The following ABCB5 variants were observed in gnomAD, a reference collection of about 807,000 sequenced individuals.
ABCB5 encodes ATP binding cassette subfamily B member 5, also known as ATP-binding cassette sub-family B member 5.
A neutral mutation model predicts 144.2 loss-of-function variants in ABCB5; 155 were observed. The ratio of observed to expected loss-of-function variants is 1.08; its 90% CI spans 0.94 to 1.23. The LOEUF (loss-of-function observed/expected upper bound fraction) is 1.23. Ranked by LOEUF, ABCB5 falls within the 50% of genes most tolerant of loss-of-function variation. The probability of loss-of-function intolerance (pLI) is 0.00; values close to 1 mark genes in which losing one functional copy is unlikely to be tolerated. For synonymous variants in ABCB5, 610 were observed against 528.6 expected, an observed-to-expected ratio of 1.15 and a Z score of -2.11; for missense variants, 1,830 against 1,520.8, an observed-to-expected ratio of 1.20 and a Z score of -3.38.
chr7:20,665,278 G>C (rs1360846489), intron 14 of ABCB5, among the ~76,000 whole-genome samples: 1 of 152,126 alleles, frequency 6.6e-6, no homozygotes, highest in African/African-American at 2.4e-5. Flanking sequence ...TGACTTCTAA[G>C]TTCCTGATAT....
chr7:20,647,946 A>G (rs1784459981), intron 10 of ABCB5, 22 bp from the exon 11 acceptor site: 1 of 1,432,212 alleles, frequency 7.0e-7, no homozygotes, highest in Non-Finnish European at 9.8e-7. Flanking sequence ...AAGATTTATA[A>G]CATTTCCTTT....
Position 20,745,409 on chromosome 7 carries a change from A to G in ABCB5, c.3400A>G (p.Ile1134Val). Residue 1134 changes from isoleucine (I) to valine (V), a missense_variant, in exon 26 of 28, where the codon ATC (isoleucine) becomes GTC (valine). By Grantham distance (29) the Ile-to-Val change is conservative. Coordinates refer to ENST00000404938, the MANE Select transcript of ABCB5 (RefSeq NM_001163941.2). ...CAAAGAAGCCGCAAATGCAGCAAAT[A>G]TCCATTCTTTTATTGAAGGTCTCCC... ...EIKEAANAAN[I>V]HSFIEGLPEK... The G allele has an allele frequency of 1.2e-6, 2 of 1,614,202 alleles. No homozygotes were observed. Among genetic ancestry groups the G allele is most frequent in the Non-Finnish European group, 1.7e-6 (2 of 1,180,042 alleles).
At position 20,755,880 on chromosome 7, in the gene ABCB5, T is replaced by C; in HGVS notation, c.*256T>C. On this transcript the variant is annotated 3_prime_UTR_variant, in exon 28 of 28. Transcript: ENST00000404938. ...AAAACTATTCTAGCACATTTGCTTGTAAAGCAGTTTTCTACAAGGTGAATT... is the reference window on the plus strand; with the variant it reads ...AAAACTATTCTAGCACATTTGCTTGCAAAGCAGTTTTCTACAAGGTGAATT... 2 of 400,578 alleles carry C rather than the reference T, an allele frequency of 5.0e-6. No individual in the cohort carries two copies. The highest frequency in any genetic ancestry group is 9.0e-6 in the Non-Finnish European group (2 of 221,618). The allele number at this position is 400,578 out of a possible 1,614,324, so 24.8% of individuals were successfully genotyped here.
At chr7:20,730,655 C>G (rs1782180248) in intron 23 of ABCB5, among the ~76,000 whole-genome samples, 1 of 152,146 alleles carries the variant, frequency 6.6e-6, no homozygotes, top group Non-Finnish European at 1.5e-5. Flanking sequence ...TTACATAAGA[C>G]TAATTACTTA....
chr7:20,715,775 A>G (rs1335871682), intron 20 of ABCB5, among the ~76,000 whole-genome samples: 1 of 149,586 alleles, frequency 6.7e-6, no homozygotes, highest in African/African-American at 2.5e-5. Flanking sequence ...GCTGGAGTGC[A>G]GTGGCAGTAT....
In ABCB5 at chr7:20,753,484, C is replaced by T. The variant is rs377131299; in HGVS notation, c.3554C>T (p.Ala1185Val). 1 of 1,613,474 alleles carries T rather than the reference C, an allele frequency of 6.2e-7. No individual in the cohort carries two copies. The highest frequency in any genetic ancestry group is 8.5e-7 in the Non-Finnish European group (1 of 1,179,712). The part of the protein sequence containing the change: ...KILLLDEATS[A>V]LDNDSEKVVQ... ...TTATTGTTGGATGAGGCCACTTCAG[C>T]CCTCGATAATGACAGTGAGAAGGTA... Residue 1185 changes from alanine to valine, a missense_variant, in exon 27 of 28, where the codon GCC becomes GTC. Transcript: ENST00000404938.
intron 26 of ABCB5, 90 bp downstream of exon 26, chr7:20,745,528 T>G (rs1212867472): frequency 8.9e-7 from 1 of 1,123,050 alleles, no homozygotes; most frequent in African/African-American, 1.6e-5. Context: ...ATGTATTCCT[T>G]GGATTATACA....
intron 2 of ABCB5, among the ~76,000 whole-genome samples, chr7:20,623,540 T>C (rs886998314): frequency 2.0e-5 from 3 of 152,156 alleles, no homozygotes; most frequent in Admixed American, 2.0e-4. Flanking sequence ...TGTAATAGGA[T>C]TTATTTATCC....
chr7:20,718,384 C>T (rs564614618), intron 20 of ABCB5, among the ~76,000 whole-genome samples: 75 of 152,308 alleles, frequency 4.9e-4, no homozygotes, highest in South Asian at 1.0e-3. Flanking sequence ...CATTTAGGCC[C>T]ATGGTTCTTA....
chr7:20,668,576 G>A (rs1463207238), intron 14 of ABCB5, among the ~76,000 whole-genome samples: 5 of 149,332 alleles, frequency 3.3e-5, no homozygotes, highest in South Asian at 2.2e-4. Flanking sequence ...CAGCCACCCC[G>A]TCCGGGAGGG....
intron 13 of ABCB5, among the ~76,000 whole-genome samples, chr7:20,654,925 G>T (rs1362318129): frequency 6.6e-6 from 1 of 151,520 alleles, no homozygotes; most frequent in Non-Finnish European, 1.5e-5. Context: ...AACTAGAGAA[G>T]GAAGAGCAAA....
At chr7:20,667,341 C>A (rs565961263) in intron 14 of ABCB5, 27 of 984,476 alleles carry the variant, frequency 2.7e-5, no homozygotes, top group Non-Finnish European at 3.3e-5. Context: ...GAAGTGAATC[C>A]CCTGTGAAGA....
At chr7:20,621,598 C>T (rs1054192864) in intron 1 of ABCB5, among the ~76,000 whole-genome samples, 1 of 151,994 alleles carries the variant, frequency 6.6e-6, no homozygotes, top group Non-Finnish European at 1.5e-5. Flanking sequence ...AAGCTCAATA[C>T]TTTTTTCAAT....
At chr7:20,664,648 C>G (rs916741) in intron 14 of ABCB5, among the ~76,000 whole-genome samples, 33,559 of 152,010 alleles carry the variant, frequency 0.22, 4,096 homozygotes, top group African/African-American at 0.33. Context: ...AATAGGTAAG[C>G]TATTATGCCC....
intron 5 of ABCB5, among the ~76,000 whole-genome samples, chr7:20,639,951 A>T (rs540380700): frequency 2.0e-5 from 3 of 152,314 alleles, no homozygotes; most frequent in African/African-American, 7.2e-5. Flanking sequence ...GAAGATTGTC[A>T]TCTTAACAAC....
chr7:20,652,883 A>G (rs73684657), intron 13 of ABCB5, among the ~76,000 whole-genome samples: 2,732 of 152,350 alleles, frequency 0.018, 49 homozygotes, highest in South Asian at 0.071. Flanking sequence ...TTTAATGGGC[A>G]TATTTCACAA....
intron 24 of ABCB5, among the ~76,000 whole-genome samples, chr7:20,741,370 C>T (rs536082960): frequency 5.9e-5 from 9 of 151,700 alleles, no homozygotes; most frequent in Admixed American, 3.3e-4. Context: ...CATGTTTCTG[C>T]GGTATTCTGT....
At chr7:20,645,452 G>C (rs1237582496) in intron 7 of ABCB5, among the ~76,000 whole-genome samples, 2 of 152,176 alleles carry the variant, frequency 1.3e-5, no homozygotes, top group Non-Finnish European at 2.9e-5. Flanking sequence ...TATCCCCGCT[G>C]TTCCCTTTTG....
Position 20,643,323 on chromosome 7 carries a change from A to G in ABCB5, c.454A>G (p.Ile152Val), listed in dbSNP as rs745974541. 5.0e-6 allele frequency: 8 copies of G among 1,614,012 alleles called. No homozygotes were observed. The highest frequency in any genetic ancestry group is 2.7e-5 in the African/African-American group (2 of 75,054). The change falls in exon 6 of 28, where the codon ATC (isoleucine) becomes GTC (valine). Residue 152 changes from isoleucine to valine, a missense_variant. Transcript: ENST00000404938. ...TTTTCATTCAGTTTTGGCACAGGAC[A>G]TCGGCTGGTTTGATAGCTGTGACAT... ...QFFHSVLAQD[I>V]GWFDSCDIGE...
Sources: allele counts gnomAD v4.1 joint callset (sites outside exome capture counted in the v4.1 genomes callset), GRCh38; gene constraint gnomAD v4.1.1; transcripts MANE v1.5; gene names NCBI Gene and HGNC (gene_info 2026-07-23, HGNC 2026-07-21).